Variants in UBAP2 observed in about 807,000 individuals in gnomAD.
UBAP2 encodes ubiquitin-associated protein 2.
UBAP2 carries 75 observed loss-of-function variants against 139.6 expected under a neutral mutation model. That is an observed-to-expected ratio of 0.54 (90% CI 0.45 to 0.65). UBAP2 has a LOEUF of 0.65. Ranked by LOEUF, UBAP2 falls within the 30% of genes least tolerant of loss-of-function variation. The pLI, the probability that UBAP2 is intolerant of heterozygous loss-of-function variation, is 0.00. For synonymous variants in UBAP2, 526 were observed against 526.2 expected (o/e 1.00, Z 0.01); for missense variants, 1,368 against 1,369.6 (o/e 1.00, Z 0.02).
rs751677030 is a variant in UBAP2, at chr9:33,923,137, G to GA, written c.3004+48_3004+49insT. 1.9e-6 allele frequency: 3 copies of GA among 1,612,348 alleles called. No homozygotes were observed. The South Asian group carries it at 3.3e-5, about 18-fold the overall frequency. On this transcript the variant is annotated intron_variant, in intron 26 of 28. Coordinates refer to ENST00000379238, the MANE Select transcript of UBAP2 (RefSeq NM_001370062.2). ...GCCCTGCCTGAGAGGGGATCAGGCAGGAGCCCACCACTCCAGGCCTTATCC... is the reference window on the plus strand; with the variant it reads ...GCCCTGCCTGAGAGGGGATCAGGCAGAGAGCCCACCACTCCAGGCCTTATCC...
Position 34,030,432 on chromosome 9 carries a change from G to A in UBAP2, c.-41-13243C>T, listed in dbSNP as rs187178560. Among the ~76,000 whole-genome samples the A allele has an allele frequency of 3.4e-3, 517 of 152,082 alleles. 5 individuals carry two copies. Among genetic ancestry groups the A allele is most frequent in the African/African-American group, 0.012 (485 of 41,510 alleles). ...CCACTGCACTCCAGCCTGGGCGACAGAGCCAGATTCCATCTCAAAAACAAA... is the reference window on the plus strand; with the variant it reads ...CCACTGCACTCCAGCCTGGGCGACAAAGCCAGATTCCATCTCAAAAACAAA... On this transcript the variant is annotated intron_variant, in intron 1 of 28. Transcript: ENST00000379238.
intron 1 of UBAP2, among the ~76,000 whole-genome samples, chr9:34,019,399 G>A (rs937814353): frequency 3.3e-5 from 5 of 151,984 alleles, no homozygotes; most frequent in East Asian, 1.9e-4. Flanking sequence ...CAAAACTCTC[G>A]GGGCAAGGGG....
chr9:33,928,400 A>C (rs1823667415), intron 19 of UBAP2: 1 of 163,322 alleles, frequency 6.1e-6, no homozygotes, highest in African/African-American at 2.4e-5. Context: ...GTCTGAGAAG[A>C]GGCGAGCACA....
At chr9:34,035,581 A>C (rs1826293332) in intron 1 of UBAP2, among the ~76,000 whole-genome samples, 1 of 141,824 alleles carries the variant, frequency 7.1e-6, no homozygotes, top group Non-Finnish European at 1.5e-5. Context: ...TACTCAGAGG[A>C]GGCTGAGGCA....
chr9:34,016,587 G>T (rs553783601), intron 2 of UBAP2, among the ~76,000 whole-genome samples: 2 of 148,076 alleles, frequency 1.4e-5, no homozygotes, highest in Admixed American at 6.8e-5. Flanking sequence ...AAGGAGTCTC[G>T]CTTTGTCACC....
At chr9:33,949,723 G>A (rs1004229548) in intron 12 of UBAP2, among the ~76,000 whole-genome samples, 13 of 152,012 alleles carry the variant, frequency 8.6e-5, no homozygotes, top group South Asian at 2.1e-4. Context: ...GTGCGCGCAT[G>A]CACGCGCACA....
intron 1 of UBAP2, among the ~76,000 whole-genome samples, chr9:34,024,174 C>T (rs985858973): frequency 1.5e-4 from 23 of 152,164 alleles, no homozygotes; most frequent in African/African-American, 5.5e-4. Flanking sequence ...GCCCGACCAT[C>T]TCTACTAAAA....
chr9:34,006,952 T>C (rs1455326035), intron 2 of UBAP2, among the ~76,000 whole-genome samples: 2 of 152,216 alleles, frequency 1.3e-5, no homozygotes, highest in African/African-American at 4.8e-5. Context: ...AATGAGTACC[T>C]GAACAATGTA....
chr9:33,979,897 C>A (rs1375842948), intron 6 of UBAP2, among the ~76,000 whole-genome samples: 10 of 151,266 alleles, frequency 6.6e-5, no homozygotes. Context: ...ACCGGTGAAA[C>A]CCCATCTCTA....
chr9:33,939,777 G>C (rs191193403), intron 16 of UBAP2, among the ~76,000 whole-genome samples: 1 of 31,328 alleles, frequency 3.2e-5, no homozygotes, highest in Non-Finnish European at 6.3e-5. Context: ...GAGGAGGAAG[G>C]GGAGGAGGAA....
intron 1 of UBAP2, among the ~76,000 whole-genome samples, chr9:34,018,568 A>G (rs1824604377): frequency 6.6e-6 from 1 of 152,222 alleles, no homozygotes; most frequent in South Asian, 2.1e-4. Flanking sequence ...TTCCATGTTA[A>G]GAGTGCCATT....
intron 2 of UBAP2, among the ~76,000 whole-genome samples, chr9:34,016,356 AGCG>A (rs1363310950): frequency 1.5e-4 from 3 of 20,006 alleles, no homozygotes; most frequent in African/African-American, 7.0e-4. Context: ...AGGAGGCAGC[AGCG>A]GCGGCAGCGG....
At chr9:33,981,827 G>A (rs1253214382) in intron 6 of UBAP2, among the ~76,000 whole-genome samples, 12 of 118,678 alleles carry the variant, frequency 1.0e-4, no homozygotes, top group African/African-American at 3.8e-4. Context: ...GGGAAGCGGG[G>A]AAGGAGGGAA....
chr9:33,932,562 T>C lies in UBAP2; in HGVS notation c.2175A>G (p.Thr725=). 6.2e-7 allele frequency: 1 copy of C among 1,613,936 alleles called. No homozygotes were observed. Among genetic ancestry groups the C allele is most frequent in the Non-Finnish European group, 8.5e-7 (1 of 1,180,020 alleles). Residue 725 remains threonine, a splice_region_variant and synonymous_variant, in exon 19 of 29, where the codon ACA becomes ACG. Transcript: ENST00000379238. ...HAALSSSTSH[T]HASVESASSH... ...AAGAGGAAGCCGCGCAGACACTTAC[T>C]GTGTGTGACGTGCTCGAGGAGAGGG...
intron 2 of UBAP2, among the ~76,000 whole-genome samples, chr9:34,006,188 C>T (rs1407632735): frequency 6.7e-6 from 1 of 150,286 alleles, no homozygotes; most frequent in Non-Finnish European, 1.5e-5. Context: ...GAGCCGAGAT[C>T]GCACCATTGC....
intron 13 of UBAP2, among the ~76,000 whole-genome samples, chr9:33,944,989 GC>G (rs1433768236): frequency 6.6e-6 from 1 of 152,000 alleles, no homozygotes; most frequent in Non-Finnish European, 1.5e-5. Context: ...TTTGAGCCAG[GC>G]ACAGTCACTC....
At chr9:34,032,806 C>G (rs1826000498) in intron 1 of UBAP2, among the ~76,000 whole-genome samples, 1 of 151,776 alleles carries the variant, frequency 6.6e-6, no homozygotes. Context: ...CACCTGTAAT[C>G]TCAGCTAGTC....
intron 6 of UBAP2, among the ~76,000 whole-genome samples, chr9:33,980,380 C>T: frequency 6.7e-6 from 1 of 149,400 alleles, no homozygotes; most frequent in Non-Finnish European, 1.5e-5. Context: ...CTACAGGCGC[C>T]CGCCACCACA....
At chr9:33,945,994 T>A (rs1281738721) in intron 13 of UBAP2, among the ~76,000 whole-genome samples, 2 of 152,242 alleles carry the variant, frequency 1.3e-5, no homozygotes, top group Non-Finnish European at 2.9e-5. Flanking sequence ...TTTTGATAAA[T>A]ATTATAAAAT....
Sources: gnomAD v4.1 joint callset for allele counts (sites outside exome capture counted in the v4.1 genomes callset) on GRCh38, gnomAD v4.1.1 for gene constraint, MANE v1.5 for transcripts, NCBI Gene and HGNC (gene_info 2026-07-23, HGNC 2026-07-21) for gene names.